The following NT5C2 variants were observed in gnomAD, a reference collection of about 807,000 sequenced individuals.
The protein encoded by NT5C2 is 5'-nucleotidase, cytosolic II.
In NT5C2, 58 loss-of-function variants were observed where a neutral mutation model predicts 76.1. The ratio of observed to expected loss-of-function variants is 0.76; its 90% CI spans 0.62 to 0.95. The LOEUF is 0.95. NT5C2 is among the 40% of genes least tolerant of loss of function. The probability of loss-of-function intolerance (pLI) is 0.00; values close to 1 mark genes in which losing one functional copy is unlikely to be tolerated. For synonymous variants in NT5C2, 229 were observed against 237.4 expected (o/e 0.96, Z 0.32); for missense variants, 478 against 690.3 (o/e 0.69, Z 3.45).
intron 4 of NT5C2, among the ~76,000 whole-genome samples, chr10:103,129,541 C>CTCT (rs2077553618): frequency 8.9e-6 from 1 of 111,760 alleles, no homozygotes; most frequent in African/African-American, 3.2e-5. Flanking sequence ...GTCAGCCCCC[C>CTCT]GCCCGGCCAG....
Position 103,099,912 on chromosome 10 carries a change from C to T in NT5C2, c.633+14G>A, listed in dbSNP as rs1367610908. The T allele has an allele frequency of 5.8e-6, 9 of 1,545,500 alleles. No homozygotes were observed. The Middle Eastern group carries it at 1.3e-3, about 231-fold the overall frequency. The stretch of plus-strand genomic sequence containing the variant: ...GCCAGAAAGCAAGCAGGTGAAGAAA[C>T]AGCTTCTAGGTACCTTGTAATGAAC... On this transcript the variant is annotated intron_variant, in intron 9 of 18. Transcript: ENST00000404739.
At chr10:103,177,354 T>C (rs2090182677) in intron 2 of NT5C2, among the ~76,000 whole-genome samples, 1 of 152,212 alleles carries the variant, frequency 6.6e-6, no homozygotes, top group Non-Finnish European at 1.5e-5. Flanking sequence ...TTTTTGAAGT[T>C]TTCATCAGTA....
chr10:103,124,450 A>G (rs2076299655), intron 4 of NT5C2, among the ~76,000 whole-genome samples: 1 of 152,198 alleles, frequency 6.6e-6, no homozygotes, highest in African/African-American at 2.4e-5. Flanking sequence ...TCCATAATAT[A>G]TAGAAGTGTA....
At chr10:103,120,449 T>C (rs145598377) in intron 4 of NT5C2, among the ~76,000 whole-genome samples, 11 of 152,336 alleles carry the variant, frequency 7.2e-5, no homozygotes, top group African/African-American at 2.6e-4. Context: ...ACTCCACAGT[T>C]ATTTTAAAAA....
intron 4 of NT5C2, among the ~76,000 whole-genome samples, chr10:103,107,754 A>G (rs2071710089): frequency 6.6e-6 from 1 of 152,150 alleles, no homozygotes; most frequent in Non-Finnish European, 1.5e-5. Context: ...TTACAGGTCA[A>G]ATAACAGGGA....
intron 7 of NT5C2, 32 bp downstream of exon 7, chr10:103,101,203 C>T: frequency 6.9e-7 from 1 of 1,454,742 alleles, no homozygotes; most frequent in Non-Finnish European, 9.7e-7. Flanking sequence ...GAAGGGAAAG[C>T]ATCAGTATAA....
chr10:103,115,229 C>T (rs1046023277), intron 4 of NT5C2, among the ~76,000 whole-genome samples: 2 of 151,922 alleles, frequency 1.3e-5, no homozygotes, highest in Non-Finnish European at 2.9e-5. Context: ...AGTGAAACCC[C>T]GTCTCTACTA....
At chr10:103,101,453 G>A (rs182589799) in intron 6 of NT5C2, 127 bp from the exon 7 acceptor site, 5 of 554,226 alleles carry the variant, frequency 9.0e-6, no homozygotes, top group Middle Eastern at 4.8e-4. Context: ...CGAATATTAC[G>A]CATGGATAGC....
chr10:103,099,142 A>G (rs1157792817), intron 9 of NT5C2, among the ~76,000 whole-genome samples, 158 bp from the exon 10 acceptor site: 1 of 152,188 alleles, frequency 6.6e-6, no homozygotes, highest in Non-Finnish European at 1.5e-5. Context: ...GTACAATCTC[A>G]GCTCACTGCA....
chr10:103,178,274 G>A (rs1463359485), intron 2 of NT5C2, among the ~76,000 whole-genome samples: 1 of 152,306 alleles, frequency 6.6e-6, no homozygotes, highest in East Asian at 1.9e-4. Flanking sequence ...CAGACCAGGC[G>A]CAGTGGCTCA....
intron 2 of NT5C2, among the ~76,000 whole-genome samples, chr10:103,177,991 A>G (rs1363217015): frequency 6.6e-6 from 1 of 152,212 alleles, no homozygotes; most frequent in Non-Finnish European, 1.5e-5. Context: ...TCTGGATTTA[A>G]CTATCCTGGA....
chr10:103,098,774 T>C (rs895795704), intron 10 of NT5C2, 157 bp downstream of exon 10: 4 of 601,400 alleles, frequency 6.7e-6, no homozygotes, highest in African/African-American at 3.8e-5. Flanking sequence ...CTAAGACCTA[T>C]GCTCTAGCTG....
intron 2 of NT5C2, among the ~76,000 whole-genome samples, chr10:103,179,528 C>G (rs1280918804): frequency 6.6e-6 from 1 of 152,096 alleles, no homozygotes; most frequent in Non-Finnish European, 1.5e-5. Flanking sequence ...AGGTGCACAC[C>G]ACCATGCCCG....
chr10:103,105,415 A>AT (rs1247232963), intron 6 of NT5C2: 1 of 853,038 alleles, frequency 1.2e-6, no homozygotes, highest in African/African-American at 1.8e-5. Context: ...AAATCTTAGA[A>AT]TTTCAAATAA....
intron 4 of NT5C2, among the ~76,000 whole-genome samples, chr10:103,112,602 G>A (rs546194129): frequency 6.6e-6 from 1 of 152,080 alleles, no homozygotes; most frequent in Non-Finnish European, 1.5e-5. Context: ...GAGACATTTA[G>A]GTTTTTGAAA....
intron 3 of NT5C2, among the ~76,000 whole-genome samples, chr10:103,159,195 T>A (rs113075629): frequency 0.014 from 2,170 of 151,008 alleles, 52 homozygotes; most frequent in African/African-American, 0.049. Flanking sequence ...ATCAGGCCCG[T>A]GAATAGCCAC....
At chr10:103,176,844 A>T (rs1424513290) in intron 2 of NT5C2, among the ~76,000 whole-genome samples, 1 of 151,922 alleles carries the variant, frequency 6.6e-6, no homozygotes, top group Admixed American at 6.6e-5. Context: ...TCATGTGGAA[A>T]CCTCCAGCTT....
chr10:103,099,416 A>G (rs1353710438), intron 9 of NT5C2, among the ~76,000 whole-genome samples: 1 of 152,234 alleles, frequency 6.6e-6, no homozygotes, highest in Non-Finnish European at 1.5e-5. Flanking sequence ...GGAAAAGTGG[A>G]CAAACTAGAG....
At chr10:103,089,950 A>G (rs771107066) in intron 18 of NT5C2, 42 bp from the exon 19 acceptor site, 2 of 1,521,728 alleles carry the variant, frequency 1.3e-6, no homozygotes, top group Non-Finnish European at 1.8e-6. Context: ...CAGGCAGAGC[A>G]AAGTAGCTAC....
Sources: allele counts gnomAD v4.1 joint callset (sites outside exome capture counted in the v4.1 genomes callset), GRCh38; gene constraint gnomAD v4.1.1; transcripts MANE v1.5; gene names NCBI Gene and HGNC (gene_info 2026-07-23, HGNC 2026-07-21).